The following PCNX2 variants were observed in gnomAD, a reference collection of about 807,000 sequenced individuals.
PCNX2 encodes the protein pecanex-like protein 2.
PCNX2 carries 168 observed loss-of-function variants against 223.8 expected under a neutral mutation model. The observed-to-expected ratio is 0.75, with a 90% CI of 0.66 to 0.85. The LOEUF is 0.85. Ranked by LOEUF, PCNX2 falls within the 40% of genes least tolerant of loss-of-function variation. The probability of loss-of-function intolerance (pLI) is 0.00; values close to 1 mark genes in which losing one functional copy is unlikely to be tolerated. For synonymous variants in PCNX2, 1,006 were observed against 1,052.6 expected, an observed-to-expected ratio of 0.96 and a Z score of 0.86; for missense variants, 2,507 against 2,675.5, an observed-to-expected ratio of 0.94 and a Z score of 1.39.
chr1:233,174,161 TATTA>T (rs1358897175), intron 17 of PCNX2, among the ~76,000 whole-genome samples: 5 of 145,228 alleles, frequency 3.4e-5, no homozygotes, highest in Non-Finnish European at 6.1e-5. Flanking sequence ...ATATTTTATA[TATTA>T]TATAGTATTA....
intron 15 of PCNX2, among the ~76,000 whole-genome samples, chr1:233,193,212 T>C (rs1680520370): frequency 6.6e-6 from 1 of 151,270 alleles, no homozygotes; most frequent in African/African-American, 2.4e-5. Context: ...ACTCTAGAAC[T>C]GTACCAGAAC....
intron 21 of PCNX2, among the ~76,000 whole-genome samples, chr1:233,116,342 T>G (rs898460286): frequency 7.2e-5 from 11 of 152,144 alleles, no homozygotes; most frequent in Non-Finnish European, 1.3e-4. Flanking sequence ...TAAGTGTCCA[T>G]GGACAGATAC....
chr1:233,262,185 A>G lies in PCNX2; in HGVS notation c.360-20T>C. On this transcript the variant is annotated intron_variant, in intron 2 of 33. Transcript: ENST00000258229. ...TTATTGCTAACCCAACATGAGAAACACAAGAGCAGTGAGCGATATTATCAA... is the reference window on the plus strand; with the variant it reads ...TTATTGCTAACCCAACATGAGAAACGCAAGAGCAGTGAGCGATATTATCAA... 6.2e-7 allele frequency: 1 copy of G among 1,613,192 alleles called. No homozygotes were observed. Among genetic ancestry groups the G allele is most frequent in the East Asian group, 2.2e-5 (1 of 44,848 alleles).
chr1:233,187,211 C>G (rs986014985), intron 15 of PCNX2, among the ~76,000 whole-genome samples: 1 of 149,792 alleles, frequency 6.7e-6, no homozygotes, highest in African/African-American at 2.5e-5. Context: ...AAAAGTATTG[C>G]CCATTTTACA....
intron 23 of PCNX2, among the ~76,000 whole-genome samples, chr1:233,079,200 TA>T (rs1245219491): frequency 6.6e-6 from 1 of 152,148 alleles, no homozygotes; most frequent in Non-Finnish European, 1.5e-5. Context: ...ATTATGGCAA[TA>T]AAGGTATGCT....
In PCNX2 at chr1:233,196,267, T is replaced by C. The variant is rs184842119; in HGVS notation, c.3066+2672A>G. 9.2e-3 allele frequency among the ~76,000 whole-genome samples: 1,392 copies of C among 152,104 alleles called. 15 individuals are homozygous for C. The highest frequency in any genetic ancestry group is 0.015 in the Non-Finnish European group (1,013 of 67,942). On this transcript the variant is annotated intron_variant, in intron 15 of 33. Transcript: ENST00000258229. Reference sequence around the variant, plus strand: ...AAATCAAATCTAAATATAATACAACTATAAAACTTGTAGTACAAAAATATT... The same window carrying C: ...AAATCAAATCTAAATATAATACAACCATAAAACTTGTAGTACAAAAATATT...
Position 233,295,525 on chromosome 1 carries a change from G to A in PCNX2, c.-47C>T, listed in dbSNP as rs983518718. ...GTGAGCGCCCCGCTGCACCCTGCGC[G>A]CCCCGGCCGGATCTCCAGGCTCCCT... On this transcript the variant is annotated 5_prime_UTR_variant, in exon 1 of 34. Transcript: ENST00000258229. This position sits in a 1 kb window ranked among gnomAD's most constrained non-coding sequence, Gnocchi z 4.1. The A allele has an allele frequency of 1.0e-5, 15 of 1,470,286 alleles. No homozygotes were observed. The highest frequency in any genetic ancestry group is 7.3e-5 in the Admixed American group (3 of 41,172). 91.1% of individuals were successfully genotyped at this position (1,470,286 alleles called of 1,614,324 possible). A position where few individuals can be genotyped will look rare whatever the true frequency, so the allele number is the denominator to read the frequency against.
At chr1:233,169,954 A>T (rs181573319) in intron 17 of PCNX2, among the ~76,000 whole-genome samples, 4 of 151,844 alleles carry the variant, frequency 2.6e-5, no homozygotes, top group African/African-American at 9.7e-5. Flanking sequence ...TTTACTCAAT[A>T]TATTGTACCA....
intron 15 of PCNX2, among the ~76,000 whole-genome samples, chr1:233,185,475 A>T (rs1213775383): frequency 6.6e-6 from 1 of 152,190 alleles, no homozygotes. Flanking sequence ...TTTCATTTAA[A>T]AAAAAAGGTT....
At chr1:233,161,046 G>A (rs748408273) in intron 18 of PCNX2, among the ~76,000 whole-genome samples, 4 of 152,166 alleles carry the variant, frequency 2.6e-5, no homozygotes, top group Non-Finnish European at 2.9e-5. Flanking sequence ...CCAGATGCAG[G>A]AAAGGGTAAG....
Position 233,262,998 on chromosome 1 carries a change from C to T in PCNX2, c.319G>A (p.Glu107Lys), listed in dbSNP as rs757466126. The change falls in exon 2 of 34, where the codon GAG becomes AAG. Residue 107 changes from glutamate to lysine, a missense_variant. By Grantham distance (56) the Glu-to-Lys change is moderately conservative (BLOSUM62 1). Coordinates refer to ENST00000258229, the MANE Select transcript of PCNX2 (RefSeq NM_014801.4). ...TTAGTTATGTGTTCACCTTTGGCCTCCTTGTCTTTATTTGGCTTTTCTTCC... is the reference window on the plus strand; with the variant it reads ...TTAGTTATGTGTTCACCTTTGGCCTTCTTGTCTTTATTTGGCTTTTCTTCC... Reference protein sequence around the residue: ...RKEEKPNKDKEAKGEHITNHR... With the variant: ...RKEEKPNKDKKAKGEHITNHR... 6.2e-7 allele frequency: 1 copy of T among 1,613,692 alleles called. No individual in the cohort carries two copies.
Position 233,270,654 on chromosome 1 carries a change from G to C in PCNX2, c.154-7491C>G, listed in dbSNP as rs903072399. On this transcript the variant is annotated intron_variant, in intron 1 of 33. Coordinates refer to ENST00000258229, the MANE Select transcript of PCNX2 (RefSeq NM_014801.4). ...GTAAGATGAACAAAAAAGTAGAATA[G>C]AACACTTTGTCTTAGGCCTGCTATT... Among the ~76,000 whole-genome samples, 4 of 152,150 alleles carry C rather than the reference G, an allele frequency of 2.6e-5. No homozygotes were observed. The East Asian group carries it at 5.8e-4, about 22-fold the overall frequency.
chr1:233,264,117 C>T (rs533645086), intron 1 of PCNX2, among the ~76,000 whole-genome samples: 3 of 152,226 alleles, frequency 2.0e-5, no homozygotes, highest in South Asian at 2.1e-4. Context: ...AGAAACAAAA[C>T]GAAAAGAATC....
Position 233,259,071 on chromosome 1 carries a change from T to C in PCNX2, c.791A>G (p.Tyr264Cys), listed in dbSNP as rs1659903457. Reference sequence around the variant, plus strand: ...AGAAACGTCTGTTTCTAGTAAGTCATACTGAGACAAAGACAGGTGGGGCAA... The same window carrying C: ...AGAAACGTCTGTTTCTAGTAAGTCACACTGAGACAAAGACAGGTGGGGCAA... ...KKLPHLSLSQ[Y>C]DLLETDVSFQ... The change falls in exon 5 of 34, where the codon TAT becomes TGT. Residue 264 changes from tyrosine (Y) to cysteine (C), a missense_variant. Transcript: ENST00000258229. 6.2e-7 allele frequency: 1 copy of C among 1,613,876 alleles called. No homozygotes were observed. The highest frequency in any genetic ancestry group is 1.7e-5 in the Admixed American group (1 of 60,008).
chr1:233,072,941 T>G (rs926662548), intron 23 of PCNX2, among the ~76,000 whole-genome samples: 1 of 152,254 alleles, frequency 6.6e-6, no homozygotes, highest in African/African-American at 2.4e-5. Context: ...TTGAAAGATT[T>G]GAGAATAATT....
At chr1:233,243,840 AT>A (rs939571952) in intron 8 of PCNX2, among the ~76,000 whole-genome samples, 3 of 128,570 alleles carry the variant, frequency 2.3e-5, no homozygotes, top group Non-Finnish European at 4.6e-5. Flanking sequence ...TTTATTTTTT[AT>A]TTTTTTTTGA....
At chr1:233,142,850 C>G (rs1189385454) in intron 19 of PCNX2, among the ~76,000 whole-genome samples, 3 of 152,116 alleles carry the variant, frequency 2.0e-5, no homozygotes, top group Non-Finnish European at 4.4e-5. Flanking sequence ...CTTAGCTTCC[C>G]CATCCCACCA....
intron 23 of PCNX2, among the ~76,000 whole-genome samples, chr1:233,070,136 A>C (rs1043083090): frequency 2.6e-5 from 4 of 152,160 alleles, no homozygotes; most frequent in African/African-American, 9.7e-5. Flanking sequence ...CCTCAAAAAA[A>C]CCCACTAATT....
intron 5 of PCNX2, among the ~76,000 whole-genome samples, chr1:233,254,286 T>C (rs186100413): frequency 3.4e-4 from 52 of 152,258 alleles, no homozygotes; most frequent in Admixed American, 3.1e-3. Flanking sequence ...AAGATAGAAG[T>C]TTTCACAGTT....
Sources: allele counts gnomAD v4.1 joint callset (sites outside exome capture counted in the v4.1 genomes callset), GRCh38; gene constraint gnomAD v4.1.1; non-coding constraint Gnocchi (gnomAD v3.1); transcripts MANE v1.5; gene names NCBI Gene and HGNC (gene_info 2026-07-23, HGNC 2026-07-21).